PDE5A: variants seen among roughly 807,000 people sequenced by gnomAD.
PDE5A encodes the protein phosphodiesterase 5A.
Under a neutral mutation model 110.2 loss-of-function variants are expected in PDE5A, and 67 were observed. The ratio of observed to expected loss-of-function variants is 0.61; its 90% CI spans 0.50 to 0.75. The LOEUF is 0.75. Among genes scored for constraint, PDE5A ranks in the 30% least tolerant of loss-of-function variants. The pLI, the probability that PDE5A is intolerant of heterozygous loss-of-function variation, is 0.00. For synonymous variants in PDE5A, 328 were observed against 351.2 expected (o/e 0.93, Z 0.74); for missense variants, 862 against 1,045.1 (o/e 0.82, Z 2.42).
At chr4:119,599,096 T>C (rs531670606) in intron 2 of PDE5A, among the ~76,000 whole-genome samples, 1 of 152,214 alleles carries the variant, frequency 6.6e-6, no homozygotes, top group East Asian at 1.9e-4. Flanking sequence ...CTATACCATA[T>C]AGTTGGGGGT....
In PDE5A at chr4:119,505,922, C is replaced by A; in HGVS notation, c.2200G>T (p.Glu734Ter). 6.4e-7 allele frequency: 1 copy of A among 1,559,986 alleles called. No individual in the cohort carries two copies. Among genetic ancestry groups the A allele is most frequent in the East Asian group, 2.3e-5 (1 of 42,714 alleles). ...TTTTTTCTTATAAGTTCAAAAAATT[C>A]TCCTCGCCTCCTACAATGTTTAAAA... is the stretch of plus-strand genomic sequence containing the variant. ...DLALYIKRRG[E>*]FFELIRKNQF... is the part of the protein sequence containing the mutation. Residue 734 changes from glutamate (E) to a stop codon, truncating the protein, a stop_gained, in exon 17 of 21, where the codon GAA (glutamate) becomes TAA (stop). Coordinates refer to ENST00000354960, the MANE Select transcript of PDE5A (RefSeq NM_001083.4). LOFTEE classifies it high-confidence loss of function.
chr4:119,621,560 T>A (rs550702555), intron 1 of PDE5A, among the ~76,000 whole-genome samples: 1 of 152,074 alleles, frequency 6.6e-6, no homozygotes, highest in South Asian at 2.1e-4. Flanking sequence ...AATGGATACA[T>A]GGACAGATAA....
intron 9 of PDE5A, among the ~76,000 whole-genome samples, chr4:119,547,763 T>C (rs188489372): frequency 6.6e-6 from 1 of 152,156 alleles, no homozygotes; most frequent in Admixed American, 6.5e-5. Context: ...CTTTTAATTA[T>C]ATATTAACAG....
chr4:119,574,829 A>G (rs1266417109), intron 3 of PDE5A, among the ~76,000 whole-genome samples: 1 of 152,232 alleles, frequency 6.6e-6, no homozygotes, highest in Non-Finnish European at 1.5e-5. Context: ...AAGCAAAACT[A>G]ATTTGTGGTT....
chr4:119,605,130 A>G (rs1729482534), intron 2 of PDE5A, among the ~76,000 whole-genome samples: 1 of 152,138 alleles, frequency 6.6e-6, no homozygotes, highest in Non-Finnish European at 1.5e-5. Context: ...TCATGTTTCT[A>G]AACCAAATAT....
chr4:119,500,943 C>CCAAAT, intron 20 of PDE5A: 1 of 497,842 alleles, frequency 2.0e-6, no homozygotes, highest in Non-Finnish European at 3.6e-6. Context: ...CTTAGCATCC[C>CCAAAT]CAAATCAATT....
At chr4:119,546,854 T>C (rs916859389) in intron 9 of PDE5A, among the ~76,000 whole-genome samples, 1 of 152,060 alleles carries the variant, frequency 6.6e-6, no homozygotes, top group Non-Finnish European at 1.5e-5. Flanking sequence ...AATGGTTTTA[T>C]TTTTTTCCAT....
chr4:119,505,860 C>T lies in PDE5A; in HGVS notation c.2262G>A (p.Leu754=), dbSNP rs770503774. The T allele has an allele frequency of 6.5e-7, 1 of 1,548,804 alleles. No individual in the cohort carries two copies. Among genetic ancestry groups the T allele is most frequent in the Non-Finnish European group, 8.8e-7 (1 of 1,142,192 alleles). Residue 754 remains leucine, a synonymous_variant, in exon 17 of 21, where the codon TTG becomes TTA. Coordinates refer to ENST00000354960, the MANE Select transcript of PDE5A (RefSeq NM_001083.4). The stretch of plus-strand genomic sequence containing the variant: ...AAGATAGTAAACCTACTTACAAAAA[C>T]AACTCCTTTTGATGAGGATCTTCCA... The part of the protein sequence containing the change: ...FNLEDPHQKE[L]FLAMLMTACD...
intron 20 of PDE5A, chr4:119,499,688 C>T (rs546718167): frequency 1.3e-5 from 2 of 152,118 alleles, no homozygotes; most frequent in South Asian, 2.1e-4. Context: ...ACTACAAGCG[C>T]GTGCCACCAC....
Position 119,627,411 on chromosome 4 carries a change from G to C in PDE5A, c.152+1109C>G. On this transcript the variant is annotated intron_variant, in intron 1 of 20. Coordinates refer to ENST00000354960, the MANE Select transcript of PDE5A (RefSeq NM_001083.4). The surrounding 1 kb of genome is among the most constrained non-coding windows in gnomAD (Gnocchi z 4.6). Reference sequence around the variant, plus strand: ...CCGCGCGCCGGCGAGTGGGACCCGGGCGTCGAACCCGGGCGGGCTCCTCGA... The same window carrying C: ...CCGCGCGCCGGCGAGTGGGACCCGGCCGTCGAACCCGGGCGGGCTCCTCGA... 1 of 560,198 alleles carries C rather than the reference G, an allele frequency of 1.8e-6. No individual in the cohort carries two copies. Among genetic ancestry groups the C allele is most frequent in the Non-Finnish European group, 2.3e-6 (1 of 440,886 alleles). The allele number at this position is 560,198 out of a possible 1,614,324, so 34.7% of individuals were successfully genotyped here. A position where few individuals can be genotyped will look rare whatever the true frequency, so the allele number is the denominator to read the frequency against.
At chr4:119,544,186 C>T (rs919563890) in intron 9 of PDE5A, among the ~76,000 whole-genome samples, 2 of 152,120 alleles carry the variant, frequency 1.3e-5, no homozygotes, top group Non-Finnish European at 2.9e-5. Flanking sequence ...TCAATGTTCA[C>T]TTTCTTTACT....
intron 3 of PDE5A, among the ~76,000 whole-genome samples, chr4:119,595,459 C>T (rs1208704030): frequency 6.6e-6 from 1 of 152,142 alleles, no homozygotes; most frequent in Non-Finnish European, 1.5e-5. Context: ...AAGAAATTAG[C>T]ATTTGAATCA....
intron 11 of PDE5A, among the ~76,000 whole-genome samples, chr4:119,531,595 T>G (rs1008301805): frequency 1.3e-5 from 2 of 152,180 alleles, no homozygotes; most frequent in Middle Eastern, 6.8e-3. Context: ...GAGTGTATAA[T>G]TTTTTGAGTG....
intron 3 of PDE5A, among the ~76,000 whole-genome samples, chr4:119,574,318 G>C (rs1367238582): frequency 6.6e-6 from 1 of 151,262 alleles, no homozygotes; most frequent in East Asian, 2.0e-4. Context: ...GAGTAGCTGG[G>C]ATTACATGTG....
intron 12 of PDE5A, among the ~76,000 whole-genome samples, chr4:119,523,798 A>ATG (rs1235842919): frequency 2.6e-5 from 4 of 152,050 alleles, no homozygotes; most frequent in African/African-American, 9.7e-5. Context: ...ACTCTAGCCA[A>ATG]GTCCTTTCAA....
At chr4:119,578,638 T>G (rs1196918037) in intron 3 of PDE5A, among the ~76,000 whole-genome samples, 3 of 152,202 alleles carry the variant, frequency 2.0e-5, no homozygotes, top group African/African-American at 4.8e-5. Flanking sequence ...TAGCCATATG[T>G]AGAAAGCTGA....
chr4:119,616,883 T>C (rs1729962297), intron 1 of PDE5A, among the ~76,000 whole-genome samples: 1 of 152,178 alleles, frequency 6.6e-6, no homozygotes, highest in South Asian at 2.1e-4. Flanking sequence ...ACACATACTA[T>C]GTGCTCATAT....
intron 14 of PDE5A, among the ~76,000 whole-genome samples, chr4:119,513,516 C>T (rs901755723): frequency 2.6e-5 from 4 of 152,160 alleles, no homozygotes; most frequent in African/African-American, 9.7e-5. Context: ...CCTATATGCA[C>T]ACTGACTTTC....
chr4:119,561,718 G>T (rs1417543292), intron 6 of PDE5A, among the ~76,000 whole-genome samples: 1 of 152,046 alleles, frequency 6.6e-6, no homozygotes, highest in African/African-American at 2.4e-5. Flanking sequence ...ATAACTGATT[G>T]AAAAATATGA....
Sources: gnomAD v4.1 joint callset for allele counts (sites outside exome capture counted in the v4.1 genomes callset) on GRCh38, gnomAD v4.1.1 for gene constraint, Gnocchi (gnomAD v3.1) non-coding constraint, MANE v1.5 for transcripts, NCBI Gene and HGNC (gene_info 2026-07-23, HGNC 2026-07-21) for gene names.